Variants in CSMD2 observed in about 807,000 individuals in gnomAD.
CSMD2 encodes CUB and sushi domain-containing protein 2.
CSMD2 carries 130 observed loss-of-function variants against 398.5 expected under a neutral mutation model. The ratio of observed to expected loss-of-function variants is 0.33; its 90% CI spans 0.28 to 0.38. The LOEUF (loss-of-function observed/expected upper bound fraction) is 0.38. Among genes scored for constraint, CSMD2 ranks in the 10% least tolerant of loss-of-function variants. The pLI is 1.00. For missense variants in CSMD2, 3,829 were observed against 4,764.9 expected (o/e 0.80, Z 5.78); for synonymous variants, 1,828 against 1,908.5 (o/e 0.96, Z 1.10).
chr1:34,078,268 A>T (rs1656662580), intron 2 of CSMD2, among the ~76,000 whole-genome samples: 1 of 152,020 alleles, frequency 6.6e-6, no homozygotes, highest in Non-Finnish European at 1.5e-5. Context: ...CTATCATGGG[A>T]TCAGTAATGC....
rs560080760 is a variant in CSMD2, at chr1:33,629,315, C to T, written c.5201-2734G>A. On this transcript the variant is annotated intron_variant, in intron 32 of 70. Transcript: ENST00000373381. ...GATGGGTCAGGTATGTATGGAAAAG[C>T]GAGGAAGCAAAATCAAAACAACACA... 4.6e-5 allele frequency among the ~76,000 whole-genome samples: 7 copies of T among 151,988 alleles called. No homozygotes were observed. In the South Asian group the frequency reaches 6.3e-4, roughly 14 times the overall value.
At position 33,678,693 on chromosome 1, in the gene CSMD2, C is replaced by T. The variant is rs537489972; in HGVS notation, c.4052+14237G>A. ...CTAAGCTGACCGAGCTGCAAACCAA[C>T]AATTAAACCATGATCATAATAGCAG... On this transcript the variant is annotated intron_variant, in intron 25 of 70. Coordinates refer to ENST00000373381, the MANE Select transcript of CSMD2 (RefSeq NM_001281956.2). Among the ~76,000 whole-genome samples the T allele has an allele frequency of 1.8e-4, 27 of 152,256 alleles. No individual in the cohort carries two copies. The South Asian group carries it at 5.4e-3, about 30-fold the overall frequency.
chr1:33,615,289 A>G (rs1641311299), intron 39 of CSMD2, among the ~76,000 whole-genome samples: 1 of 152,210 alleles, frequency 6.6e-6, no homozygotes, highest in African/African-American at 2.4e-5. Flanking sequence ...GCACCCCTGC[A>G]GTCTGGTCAG....
intron 64 of CSMD2, among the ~76,000 whole-genome samples, chr1:33,531,761 T>G (rs1025840354): frequency 3.3e-5 from 5 of 152,150 alleles, no homozygotes; most frequent in Admixed American, 6.5e-5. Flanking sequence ...GTACTTAGAA[T>G]AGGCAAATTT....
chr1:33,988,298 C>G (rs763479461), intron 3 of CSMD2, among the ~76,000 whole-genome samples: 91 of 152,238 alleles, frequency 6.0e-4, no homozygotes, highest in Non-Finnish European at 1.1e-3. Flanking sequence ...TGTGATGGCA[C>G]ATGAGCTCTG....
intron 1 of CSMD2, among the ~76,000 whole-genome samples, chr1:34,113,893 C>A (rs1661345491): frequency 6.6e-6 from 1 of 152,184 alleles, no homozygotes; most frequent in Admixed American, 6.5e-5. Flanking sequence ...GTTCAACTTG[C>A]AGCTTCCCCC....
chr1:33,910,220 G>C (rs1643372554), intron 5 of CSMD2, among the ~76,000 whole-genome samples: 2 of 152,106 alleles, frequency 1.3e-5, no homozygotes, highest in Non-Finnish European at 2.9e-5. Context: ...ATCCTCTCTG[G>C]CTTATGAACA....
At chr1:33,974,857 T>C (rs1030979176) in intron 3 of CSMD2, among the ~76,000 whole-genome samples, 2 of 152,210 alleles carry the variant, frequency 1.3e-5, no homozygotes, top group East Asian at 3.9e-4. Flanking sequence ...TGGAGCTTCC[T>C]GGCCCCTTCT....
intron 42 of CSMD2, 44 bp downstream of exon 42, chr1:33,605,238 C>T (rs202191539): frequency 6.8e-5 from 108 of 1,576,802 alleles, no homozygotes; most frequent in Middle Eastern, 3.9e-4. Flanking sequence ...CCAGTCTCCA[C>T]GAGTACCCCA....
At chr1:33,836,335 G>T (rs1277936182) in intron 6 of CSMD2, among the ~76,000 whole-genome samples, 1 of 152,216 alleles carries the variant, frequency 6.6e-6, no homozygotes, top group Non-Finnish European at 1.5e-5. Flanking sequence ...GAGGCAGTCT[G>T]CCCGCTCTCA....
In CSMD2 at chr1:33,934,018, T is replaced by C. The variant is rs557927586; in HGVS notation, c.712+1742A>G. ...ACAATTAATTATGTCTGCCATGGGA[T>C]TGGGAAGAAGGGGAATAGGTATACA... On this transcript the variant is annotated intron_variant, in intron 4 of 70. Coordinates refer to ENST00000373381, the MANE Select transcript of CSMD2 (RefSeq NM_001281956.2). Among the ~76,000 whole-genome samples, 12 of 152,194 alleles carry C rather than the reference T, an allele frequency of 7.9e-5. No homozygotes were observed. In the East Asian group the frequency reaches 9.7e-4, roughly 12 times the overall value.
At chr1:33,885,738 A>G (rs966402446) in intron 5 of CSMD2, among the ~76,000 whole-genome samples, 1 of 152,158 alleles carries the variant, frequency 6.6e-6, no homozygotes, top group Admixed American at 6.5e-5. Context: ...CATATTTCTT[A>G]CAAAATATGT....
intron 22 of CSMD2, among the ~76,000 whole-genome samples, chr1:33,705,410 C>T (rs1025276210): frequency 3.9e-5 from 6 of 152,128 alleles, no homozygotes; most frequent in African/African-American, 1.4e-4. Context: ...TCTCCCCATT[C>T]CCTCAATCCC....
At chr1:33,828,506 T>C (rs1659080013) in intron 6 of CSMD2, among the ~76,000 whole-genome samples, 1 of 152,130 alleles carries the variant, frequency 6.6e-6, no homozygotes, top group Non-Finnish European at 1.5e-5. Context: ...CATCGTCTCC[T>C]TGTCTCTGGC....
At chr1:33,822,678 G>A (rs1370765182) in intron 7 of CSMD2, among the ~76,000 whole-genome samples, 1 of 152,174 alleles carries the variant, frequency 6.6e-6, no homozygotes, top group Non-Finnish European at 1.5e-5. Context: ...CGAAGCAGAG[G>A]AAGCTCCTGC....
rs1467782104 is a variant in CSMD2 at position 33,616,938 on chromosome 1, C to T, written c.5984G>A (p.Arg1995Gln). The T allele has an allele frequency of 2.5e-6, 4 of 1,613,996 alleles. No homozygotes were observed. Among genetic ancestry groups the T allele is most frequent in the Admixed American group, 1.7e-5 (1 of 60,004 alleles). Residue 1995 changes from arginine (R) to glutamine (Q), a missense_variant, in exon 39 of 71, where the codon CGG becomes CAG. Coordinates refer to ENST00000373381, the MANE Select transcript of CSMD2 (RefSeq NM_001281956.2). ...GAGTGGAGGAGGGTAGTTCCATCGC[C>T]GCACTGTTCCGGGCATGCAGGAGAT... is the stretch of plus-strand genomic sequence containing the variant. ...AHISCMPGTV[R>Q]RWNYPPPLCI...
chr1:33,686,486 T>C (rs1645066296), intron 25 of CSMD2, among the ~76,000 whole-genome samples: 1 of 152,126 alleles, frequency 6.6e-6, no homozygotes, highest in Non-Finnish European at 1.5e-5. Flanking sequence ...ATTACCAGGG[T>C]TCAAGGAAAG....
chr1:34,086,837 C>G (rs1657936431), intron 2 of CSMD2, among the ~76,000 whole-genome samples: 1 of 152,144 alleles, frequency 6.6e-6, no homozygotes, highest in Non-Finnish European at 1.5e-5. Context: ...GCCAAAGTCC[C>G]TGCATGGCCT....
chr1:33,704,391 TCTTGA>T (rs764873213), intron 22 of CSMD2, among the ~76,000 whole-genome samples: 3 of 152,212 alleles, frequency 2.0e-5, no homozygotes, highest in Non-Finnish European at 2.9e-5. Context: ...TTGATCTTGT[TCTTGA>T]CTTTACTGAA....
Sources: gnomAD v4.1 joint callset for allele counts (sites outside exome capture counted in the v4.1 genomes callset) on GRCh38, gnomAD v4.1.1 for gene constraint, MANE v1.5 for transcripts, NCBI Gene and HGNC (gene_info 2026-07-23, HGNC 2026-07-21) for gene names.